WDR90: variants seen among roughly 807,000 people sequenced by gnomAD.
The protein encoded by WDR90 is WD repeat-containing protein 90.
Under a neutral mutation model 195.2 loss-of-function variants are expected in WDR90, and 238 were observed. The ratio of observed to expected loss-of-function variants is 1.22; its 90% confidence interval spans 1.10 to 1.36. The LOEUF (loss-of-function observed/expected upper bound fraction) is 1.36. Among genes scored for constraint, WDR90 ranks in the 40% most tolerant of loss-of-function variants. The pLI, the probability that WDR90 is intolerant of heterozygous loss-of-function variation, is 0.00. For synonymous variants in WDR90, 1,265 were observed against 1,052.4 expected (o/e 1.20, Z -3.91); for missense variants, 2,734 against 2,439.5 (o/e 1.12, Z -2.54).
At position 660,644 on chromosome 16, in the gene WDR90, G is replaced by A. The variant is rs776728978; in HGVS notation, c.3321G>A (p.Trp1107Ter). 1 of 1,578,978 alleles carries A rather than the reference G, an allele frequency of 6.3e-7. No homozygotes were observed. The highest frequency in any genetic ancestry group is 1.8e-5 in the Admixed American group (1 of 55,470). Residue 1107 changes from tryptophan (W) to a stop codon, truncating the protein, a stop_gained, in exon 28 of 41, where the codon TGG becomes TGA. Transcript: ENST00000293879. LOFTEE classifies it high-confidence loss of function. ...GTCPPPASGG[W>*]LRLKAVVGYS... is the part of the protein sequence containing the mutation. ...GCCCGCCTCCCGCCAGCGGTGGGTG[G>A]CTGCGTCTGAAGGCTGTCGTCGGTT...
In WDR90 at chr16:653,439, C is replaced by G; in HGVS notation, c.1221C>G (p.Gly407=). The G allele has an allele frequency of 6.2e-7, 1 of 1,612,266 alleles. No homozygotes were observed. Among genetic ancestry groups the G allele is most frequent in the Non-Finnish European group, 8.5e-7 (1 of 1,179,552 alleles). The change falls in exon 11 of 41, where the codon GGC becomes GGG. Residue 407 remains glycine, a synonymous_variant. Transcript: ENST00000293879. ...CGGGGGAGCAGCGCTTCTTCCTTGG[C>G]CACACAGACAAGGTGGGTGCTGCCC... is the stretch of plus-strand genomic sequence containing the variant. The part of the protein sequence containing the change: ...VDTGEQRFFL[G]HTDKVSALAL...
intron 1 of WDR90, 150 bp downstream of exon 1, chr16:649,576 C>A: frequency 8.5e-7 from 1 of 1,171,368 alleles, no homozygotes; most frequent in Non-Finnish European, 1.1e-6. Flanking sequence ...CGCCCACCCT[C>A]GGGCTCCCGG....
rs747005220 is a variant in WDR90, at chr16:656,828, C to G, written c.2299C>G (p.Arg767Gly). The G allele has an allele frequency of 2.3e-5, 37 of 1,613,012 alleles. No homozygotes were observed. Among genetic ancestry groups the G allele is most frequent in the Non-Finnish European group, 3.1e-5 (37 of 1,179,962 alleles). The change falls in exon 19 of 41, where the codon CGC becomes GGC. Residue 767 changes from arginine to glycine, a missense_variant. Transcript: ENST00000293879. ...CTGTGGCTTTAGCAGTGGGGCCGTG[C>G]GCTCCTTCAGCCTGGAGGCCGCTGA... is the stretch of plus-strand genomic sequence containing the variant. Reference protein sequence around the residue: ...FFCGFSSGAVRSFSLEAAEVL... With the variant: ...FFCGFSSGAVGSFSLEAAEVL...
At chr16:649,654 G>A (rs2037598234) in intron 1 of WDR90, 109 bp from the exon 2 acceptor site, 2 of 1,206,070 alleles carry the variant, frequency 1.7e-6, no homozygotes, top group Non-Finnish European at 2.2e-6. Flanking sequence ...CGCCGGGGAA[G>A]GCGCGGAGAG....
chr16:651,102 C>G lies in WDR90; in HGVS notation c.667C>G (p.Arg223Gly), dbSNP rs368365485. ...CTGGCATGACCGCTACATCCACGTC[C>G]GGTGAGTGGTTCTGCTTCTTTCGAG... is the stretch of plus-strand genomic sequence containing the variant. ...ESWHDRYIHV[R>G]FPSESLKVPS... Residue 223 changes from arginine (R) to glycine (G), a missense_variant and splice_region_variant, in exon 6 of 41, where the codon CGG (arginine) becomes GGG (glycine). Physicochemically the swap from Arg to Gly is moderately radical, Grantham distance 125. Coordinates refer to ENST00000293879, the MANE Select transcript of WDR90 (RefSeq NM_145294.5). 25 of 1,403,436 alleles carry G rather than the reference C, an allele frequency of 1.8e-5. No individual in the cohort carries two copies. The highest frequency in any genetic ancestry group is 3.7e-5 in the Admixed American group (2 of 54,204). The allele number at this position is 1,403,436 out of a possible 1,614,324, so 86.9% of individuals were successfully genotyped here. A position where few individuals can be genotyped will look rare whatever the true frequency, so the allele number is the denominator to read the frequency against.
At chr16:664,595 T>C (rs2037985253) in intron 34 of WDR90, among the ~76,000 whole-genome samples, 1 of 152,190 alleles carries the variant, frequency 6.6e-6, no homozygotes, top group South Asian at 2.1e-4. Context: ...CTTTGCCGTT[T>C]CCTTGTAGGG....
rs772723143 is a variant in WDR90 at position 655,434 on chromosome 16, C to T, written c.1684C>T (p.Arg562Trp). Residue 562 changes from arginine to tryptophan, a missense_variant, in exon 15 of 41, where the codon CGG (arginine) becomes TGG (tryptophan). By Grantham distance (101) the Arg-to-Trp change is moderately radical. Transcript: ENST00000293879. ...QFTDLAFKQA[R>W]DGCPEPSAAM... ...CACCGACCTGGCCTTCAAGCAGGCC[C>T]GGGACGGCTGCCCGGAGCCCTCGGC... 50 of 1,568,082 alleles carry T rather than the reference C, an allele frequency of 3.2e-5. No homozygotes were observed. The highest frequency in any genetic ancestry group is 1.7e-4 in the Middle Eastern group (1 of 5,954).
At position 652,528 on chromosome 16, in the gene WDR90, C is replaced by T. The variant is rs1030386454; in HGVS notation, c.1115C>T (p.Thr372Ile). The T allele has an allele frequency of 1.9e-6, 3 of 1,608,640 alleles. No homozygotes were observed. The highest frequency in any genetic ancestry group is 2.7e-5 in the African/African-American group (2 of 74,756). ...GTCATCGGCTTTGGGGGCCACGGCA[C>T]CAGACAGGTGAGGCTCCTGCGGCTG... ...KGVIGFGGHG[T>I]RQALWTPDGA... The change falls in exon 10 of 41, where the codon ACC (threonine) becomes ATC (isoleucine). Residue 372 changes from threonine (T) to isoleucine (I), a missense_variant. By Grantham distance (89) the Thr-to-Ile change is moderately conservative. Coordinates refer to ENST00000293879, the MANE Select transcript of WDR90 (RefSeq NM_145294.5).
At position 660,707 on chromosome 16, in the gene WDR90, G is replaced by T. The variant is rs748059373; in HGVS notation, c.3384G>T (p.Pro1128=). The change falls in exon 28 of 41, where the codon CCG becomes CCT. Residue 1128 remains proline, a synonymous_variant. Coordinates refer to ENST00000293879, the MANE Select transcript of WDR90 (RefSeq NM_145294.5). ...GNGRANMVWR[P]DTGFFAYTCG... is the part of the protein sequence containing the mutation. The stretch of plus-strand genomic sequence containing the variant: ...GGCGGGCCAACATGGTCTGGAGGCC[G>T]GACACAGGTGGGGGCCAAGAGCCTA... The T allele has an allele frequency of 1.3e-6, 2 of 1,564,078 alleles. No homozygotes were observed. Among genetic ancestry groups the T allele is most frequent in the Non-Finnish European group, 1.7e-6 (2 of 1,154,140 alleles).
chr16:652,077 G>A (rs1227846106), intron 9 of WDR90, 38 bp downstream of exon 9: 16 of 1,547,476 alleles, frequency 1.0e-5, no homozygotes, highest in Non-Finnish European at 1.4e-5. Context: ...GCCTGGTGAG[G>A]TGTGGGCTGG....
At chr16:649,901 C>T (rs1283428152) in intron 2 of WDR90, 47 bp downstream of exon 2, 2 of 1,586,106 alleles carry the variant, frequency 1.3e-6, no homozygotes, top group South Asian at 1.1e-5. Flanking sequence ...TGCCCTGCCC[C>T]CAGGAGAGCT....
At position 661,586 on chromosome 16, in the gene WDR90, G is replaced by A; in HGVS notation, c.3674-11G>A. ...TGTGCACCTGACGTGGCTGCTCTGT[G>A]TCCTTCCCAGGGGACCACGATGGCC... On this transcript the variant is annotated splice_polypyrimidine_tract_variant and intron_variant, in intron 30 of 40. Coordinates refer to ENST00000293879, the MANE Select transcript of WDR90 (RefSeq NM_145294.5). 6.3e-7 allele frequency: 1 copy of A among 1,582,358 alleles called. No individual in the cohort carries two copies. Among genetic ancestry groups the A allele is most frequent in the Non-Finnish European group, 8.6e-7 (1 of 1,161,260 alleles).
Position 651,856 on chromosome 16 carries a change from C to T in WDR90, c.870C>T (p.Pro290=). 6.2e-7 allele frequency: 1 copy of T among 1,610,424 alleles called. No homozygotes were observed. The highest frequency in any genetic ancestry group is 8.5e-7 in the Non-Finnish European group (1 of 1,179,842). The change falls in exon 9 of 41, where the codon CCC becomes CCT. Residue 290 remains proline (P), a synonymous_variant. Coordinates refer to ENST00000293879, the MANE Select transcript of WDR90 (RefSeq NM_145294.5). The part of the protein sequence containing the change: ...ASGRAALAPR[P]FPEVSLSQER... ...GCCGGGCCGCCTTGGCACCCAGGCC[C>T]TTCCCGGAGGTCAGCCTGTCCCAAG...
chr16:654,931 G>C (rs1466574542), intron 13 of WDR90, 98 bp from the exon 14 acceptor site: 1 of 1,229,916 alleles, frequency 8.1e-7, no homozygotes, highest in African/African-American at 1.5e-5. Flanking sequence ...CTCCGCATGA[G>C]AGAAAAGCCA....
At position 667,792 on chromosome 16, in the gene WDR90, A is replaced by G. The variant is rs2038157594; in HGVS notation, c.*203A>G. The G allele has an allele frequency of 1.4e-6, 1 of 718,662 alleles. No individual in the cohort carries two copies. Among genetic ancestry groups the G allele is most frequent in the Non-Finnish European group, 2.4e-6 (1 of 414,562 alleles). The allele number at this position is 718,662 out of a possible 1,614,324, so 44.5% of individuals were successfully genotyped here. ...TTGCCCTTTTGCCTAAGAAATCTTT[A>G]ATGTTTCTATCTTGTAATAAACATG... is the stretch of plus-strand genomic sequence containing the variant. On this transcript the variant is annotated 3_prime_UTR_variant, in exon 41 of 41. Transcript: ENST00000293879.
At position 651,012 on chromosome 16, in the gene WDR90, TG is replaced by T; in HGVS notation, c.580del (p.Ala194GlnfsTer5). Reference sequence around the variant, plus strand: ...CCTTGTAGCCATCTCTGGGGCCCAGTGGGCAAAGCTGCCCGTGACTCCTATG... The same window carrying T: ...CCTTGTAGCCATCTCTGGGGCCCAGTGGCAAAGCTGCCCGTGACTCCTATG... ...CFEPAISGAQWAKLPVTPMPR... is the reference protein window; with the variant it reads ...CFEPAISGAQXAKLPVTPMPR... On this transcript the variant is annotated frameshift_variant, in exon 6 of 41. Coordinates refer to ENST00000293879, the MANE Select transcript of WDR90 (RefSeq NM_145294.5). LOFTEE classifies it high-confidence loss of function. 1.2e-6 allele frequency: 2 copies of T among 1,613,238 alleles called. No individual in the cohort carries two copies. Among genetic ancestry groups the T allele is most frequent in the Non-Finnish European group, 1.7e-6 (2 of 1,179,952 alleles).
At chr16:665,504 C>T in intron 34 of WDR90, 175 bp from the exon 35 acceptor site, 3 of 973,318 alleles carry the variant, frequency 3.1e-6, no homozygotes, top group African/African-American at 1.6e-5. Flanking sequence ...AGATCTAGTG[C>T]AGGGACACAC....
rs1481981139 is a variant in WDR90, at chr16:661,349, C to T, written c.3521C>T (p.Ala1174Val). Residue 1174 changes from alanine (A) to valine (V), a missense_variant, in exon 30 of 41, where the codon GCC (alanine) becomes GTC (valine). By Grantham distance (64) the Ala-to-Val change is moderately conservative. Transcript: ENST00000293879. ...LALSHSAQVL[A>V]SASGRSSTTA... ...TGGCCTCTTGCCTGCCAGGTCCTGGCCTCTGCCTCGGGCCGAAGCAGCACG... is the reference window on the plus strand; with the variant it reads ...TGGCCTCTTGCCTGCCAGGTCCTGGTCTCTGCCTCGGGCCGAAGCAGCACG... 2.5e-6 allele frequency: 4 copies of T among 1,601,860 alleles called. No homozygotes were observed. The highest frequency in any genetic ancestry group is 2.2e-5 in the East Asian group (1 of 44,722).
Position 666,248 on chromosome 16 carries a change from T to A in WDR90, c.4638T>A (p.Asp1546Glu). 1.2e-6 allele frequency: 2 copies of A among 1,612,664 alleles called. No individual in the cohort carries two copies. The highest frequency in any genetic ancestry group is 1.3e-5 in the African/African-American group (1 of 75,042). ...AGACTGTCCTCTCTGGAGACAAGGATGGGCTCGTGGCTGTGAGCCACCCCT... is the reference window on the plus strand; with the variant it reads ...AGACTGTCCTCTCTGGAGACAAGGAAGGGCTCGTGGCTGTGAGCCACCCCT... The part of the protein sequence containing the change: ...DGQTVLSGDK[D>E]GLVAVSHPCT... Residue 1546 changes from aspartate (D) to glutamate (E), a missense_variant, in exon 37 of 41, where the codon GAT becomes GAA. By Grantham distance (45) the Asp-to-Glu change is conservative. Transcript: ENST00000293879.
Sources: allele counts gnomAD v4.1 joint callset (sites outside exome capture counted in the v4.1 genomes callset), GRCh38; gene constraint gnomAD v4.1.1; transcripts MANE v1.5; gene names NCBI Gene and HGNC (gene_info 2026-07-23, HGNC 2026-07-21).